FAM168A: variants seen among roughly 807,000 people sequenced by gnomAD.
The protein encoded by FAM168A is protein FAM168A.
In FAM168A, 3 loss-of-function variants were observed where a neutral mutation model predicts 28.5. The observed-to-expected ratio is 0.11, with a 90% CI of 0.05 to 0.27. The LOEUF (loss-of-function observed/expected upper bound fraction) is 0.27, where lower values mean the gene tolerates loss of function less well. Ranked by LOEUF, FAM168A falls within the 10% of genes least tolerant of loss-of-function variation. The pLI is 1.00. For missense variants in FAM168A, 222 were observed against 311.5 expected (o/e 0.71, Z 2.16); for synonymous variants, 122 against 124.2 (o/e 0.98, Z 0.12).
At chr11:73,442,325 G>A (rs771929136) in intron 2 of FAM168A, among the ~76,000 whole-genome samples, 7 of 151,602 alleles carry the variant, frequency 4.6e-5, no homozygotes, top group Admixed American at 2.6e-4. Flanking sequence ...ATGGGGTTTC[G>A]CCGTGTTAGC....
intron 1 of FAM168A, among the ~76,000 whole-genome samples, chr11:73,567,065 G>A (rs1565301354): frequency 6.6e-6 from 1 of 152,178 alleles, no homozygotes; most frequent in Non-Finnish European, 1.5e-5. Context: ...TGAGAAGAAG[G>A]AGTCACAGGA....
intron 2 of FAM168A, 89 bp downstream of exon 2, chr11:73,468,316 G>T: frequency 8.2e-7 from 1 of 1,220,324 alleles, no homozygotes; most frequent in Non-Finnish European, 1.2e-6. Flanking sequence ...CAAGACTTTT[G>T]GAGGTATACG....
At chr11:73,467,352 T>TG (rs1383271834) in intron 2 of FAM168A, among the ~76,000 whole-genome samples, 1 of 151,632 alleles carries the variant, frequency 6.6e-6, no homozygotes, top group Non-Finnish European at 1.5e-5. Flanking sequence ...AAATTAAGTC[T>TG]GGGGAGGTTA....
At chr11:73,593,596 T>C (rs79852722) in intron 1 of FAM168A, among the ~76,000 whole-genome samples, 4,078 of 152,262 alleles carry the variant, frequency 0.027, 162 homozygotes, top group African/African-American at 0.085. Flanking sequence ...TAAAACAAAA[T>C]CATACCTCAT....
intron 3 of FAM168A, among the ~76,000 whole-genome samples, chr11:73,426,703 C>CTCTGTGTG (rs1555018087): frequency 6.9e-6 from 1 of 144,204 alleles, no homozygotes. Context: ...CCAAAATATG[C>CTCTGTGTG]TGTGTGTGTG....
intron 3 of FAM168A, among the ~76,000 whole-genome samples, chr11:73,422,194 A>G (rs1866805113): frequency 6.6e-6 from 1 of 152,232 alleles, no homozygotes; most frequent in South Asian, 2.1e-4. Flanking sequence ...CATGATACAT[A>G]GTAAAATAAT....
At position 73,404,623 on chromosome 11, in the gene FAM168A, T is replaced by C. The variant is rs1487069401; in HGVS notation, c.*2140A>G. On this transcript the variant is annotated 3_prime_UTR_variant, in exon 8 of 8. Coordinates refer to ENST00000356467, the MANE Select transcript of FAM168A (RefSeq NM_015159.3). ...TCATCAGCACCCAGAACAGATAATT[T>C]AGAACAGCTGAATTTTTTCTTACTG... 1 of 152,192 alleles carries C rather than the reference T, an allele frequency of 6.6e-6. No homozygotes were observed. The highest frequency in any genetic ancestry group is 1.5e-5 in the Non-Finnish European group (1 of 68,026). The allele number at this position is 152,192 out of a possible 1,614,324, so 9.4% of individuals were successfully genotyped here. A position where few individuals can be genotyped will look rare whatever the true frequency, so the allele number is the denominator to read the frequency against.
chr11:73,537,284 G>C (rs569894083), intron 1 of FAM168A, among the ~76,000 whole-genome samples: 1 of 152,332 alleles, frequency 6.6e-6, no homozygotes, highest in Non-Finnish European at 1.5e-5. Flanking sequence ...TTGTAGGCCA[G>C]GCATGGTGGC....
chr11:73,583,079 C>A (rs916274285), intron 1 of FAM168A, among the ~76,000 whole-genome samples: 1 of 152,034 alleles, frequency 6.6e-6, no homozygotes, highest in African/African-American at 2.4e-5. Flanking sequence ...CCAAGGCAGG[C>A]GGATCACGAG....
intron 1 of FAM168A, among the ~76,000 whole-genome samples, chr11:73,553,301 T>C (rs1943849877): frequency 6.6e-6 from 1 of 152,036 alleles, no homozygotes; most frequent in Non-Finnish European, 1.5e-5. Flanking sequence ...GTCTCTATGG[T>C]TTCAAGAAGG....
In FAM168A at chr11:73,401,336, T is replaced by C. The variant is rs770689312; in HGVS notation, c.*5427A>G. On this transcript the variant is annotated 3_prime_UTR_variant, in exon 8 of 8. Coordinates refer to ENST00000356467, the MANE Select transcript of FAM168A (RefSeq NM_015159.3). Reference sequence around the variant, plus strand: ...CAGGCCCTTGGGCCTTTCAAGATTATTACAGACAACTCCAAGTAGCTAGAG... The same window carrying C: ...CAGGCCCTTGGGCCTTTCAAGATTACTACAGACAACTCCAAGTAGCTAGAG... The C allele has an allele frequency of 1.3e-4, 20 of 152,160 alleles. No homozygotes were observed. The highest frequency in any genetic ancestry group is 2.9e-4 in the Non-Finnish European group (20 of 68,034). The allele number at this position is 152,160 out of a possible 1,614,324, so 9.4% of individuals were successfully genotyped here.
At chr11:73,457,751 G>GAAAAA (rs1867566885) in intron 2 of FAM168A, among the ~76,000 whole-genome samples, 1 of 79,708 alleles carries the variant, frequency 1.3e-5, no homozygotes, top group African/African-American at 5.2e-5. Flanking sequence ...AAAAAAAAAA[G>GAAAAA]AAAAGAAAAG....
intron 1 of FAM168A, among the ~76,000 whole-genome samples, chr11:73,472,399 G>C (rs1474067869): frequency 1.3e-5 from 2 of 152,218 alleles, no homozygotes; most frequent in Non-Finnish European, 2.9e-5. Context: ...CAGTTTAGCT[G>C]AAGTGGAGTA....
chr11:73,479,068 G>A (rs557755517), intron 1 of FAM168A, among the ~76,000 whole-genome samples: 5 of 152,252 alleles, frequency 3.3e-5, no homozygotes, highest in African/African-American at 1.2e-4. Flanking sequence ...TGCTTAAAGG[G>A]AACTCTGTTA....
At chr11:73,409,265 T>A (rs1228303277) in intron 6 of FAM168A, among the ~76,000 whole-genome samples, 1 of 152,196 alleles carries the variant, frequency 6.6e-6, no homozygotes, top group East Asian at 1.9e-4. Flanking sequence ...ACTTCTCTAG[T>A]TAGCCTGTGT....
chr11:73,571,429 G>A (rs1045538769), intron 1 of FAM168A, among the ~76,000 whole-genome samples: 24 of 151,966 alleles, frequency 1.6e-4, no homozygotes, highest in African/African-American at 5.8e-4. Flanking sequence ...TATTTTTTTG[G>A]TGGAGACGGG....
chr11:73,471,346 A>C (rs1867811155), intron 1 of FAM168A, among the ~76,000 whole-genome samples: 1 of 152,184 alleles, frequency 6.6e-6, no homozygotes, highest in South Asian at 2.1e-4. Context: ...AAAAAACAAA[A>C]AACATAATTT....
chr11:73,536,761 C>T (rs1260953296), intron 1 of FAM168A, among the ~76,000 whole-genome samples: 1 of 152,074 alleles, frequency 6.6e-6, no homozygotes, highest in Non-Finnish European at 1.5e-5. Context: ...TTCATAGGGG[C>T]AAGAGGTACA....
At chr11:73,494,511 C>T (rs1263959637) in intron 1 of FAM168A, among the ~76,000 whole-genome samples, 1 of 152,160 alleles carries the variant, frequency 6.6e-6, no homozygotes, top group Admixed American at 6.5e-5. Flanking sequence ...CAGAAGGGCT[C>T]AGAAAAACCT....
Sources: allele counts gnomAD v4.1 joint callset (sites outside exome capture counted in the v4.1 genomes callset), GRCh38; gene constraint gnomAD v4.1.1; transcripts MANE v1.5; gene names NCBI Gene and HGNC (gene_info 2026-07-23, HGNC 2026-07-21).